SEC24B: variants seen among roughly 807,000 people sequenced by gnomAD.
SEC24B encodes the protein SEC24 homolog B, COPII component, also known as protein transport protein Sec24B.
SEC24B carries 45 observed loss-of-function variants against 142.8 expected under a neutral mutation model. The observed-to-expected ratio is 0.32, with a 90% CI of 0.25 to 0.40. SEC24B has a LOEUF of 0.40. SEC24B is among the 10% of genes least tolerant of loss of function. The pLI, the probability that SEC24B is intolerant of heterozygous loss-of-function variation, is 1.00. For synonymous variants in SEC24B, 574 were observed against 568.2 expected, an observed-to-expected ratio of 1.01 and a Z score of -0.15; for missense variants, 1,409 against 1,526.8, an observed-to-expected ratio of 0.92 and a Z score of 1.29.
At chr4:109,482,571 T>TG (rs1194770187) in intron 4 of SEC24B, among the ~76,000 whole-genome samples, 1 of 152,100 alleles carries the variant, frequency 6.6e-6, no homozygotes, top group Non-Finnish European at 1.5e-5. Context: ...CTAAATTCAT[T>TG]TATGTTTCAT....
chr4:109,462,474 C>T (rs571526083), intron 1 of SEC24B, among the ~76,000 whole-genome samples: 21 of 152,224 alleles, frequency 1.4e-4, no homozygotes, highest in African/African-American at 4.8e-4. Context: ...GTTGGCAGAT[C>T]TTAGTTTCTC....
chr4:109,449,221 A>C (rs1257204361), intron 1 of SEC24B, among the ~76,000 whole-genome samples: 3 of 152,002 alleles, frequency 2.0e-5, no homozygotes, highest in Non-Finnish European at 4.4e-5. Flanking sequence ...AGGCTTAAAC[A>C]ATAGACATTT....
chr4:109,509,733 C>T (rs1331803132), intron 7 of SEC24B, among the ~76,000 whole-genome samples: 1 of 148,486 alleles, frequency 6.7e-6, no homozygotes, highest in Non-Finnish European at 1.5e-5. Flanking sequence ...TTTCTGTGTG[C>T]TCCTATTCAT....
Position 109,433,826 on chromosome 4 carries a change from G to A in SEC24B, c.-44G>A. On this transcript the variant is annotated 5_prime_UTR_variant, in exon 1 of 24. Transcript: ENST00000265175. ...TCCGGCCCCGCCTTCCCTTCCCTCC[G>A]CCCACCTCCCTGAAGCGGAGCCGCC... 6 of 1,241,778 alleles carry A rather than the reference G, an allele frequency of 4.8e-6. No individual in the cohort carries two copies. The highest frequency in any genetic ancestry group is 6.1e-6 in the Non-Finnish European group (6 of 990,280). The allele number at this position is 1,241,778 out of a possible 1,614,324, so 76.9% of individuals were successfully genotyped here. A position where few individuals can be genotyped will look rare whatever the true frequency, so the allele number is the denominator to read the frequency against.
At chr4:109,499,127 C>T (rs1006315535) in intron 6 of SEC24B, among the ~76,000 whole-genome samples, 29 of 152,202 alleles carry the variant, frequency 1.9e-4, no homozygotes, top group African/African-American at 7.0e-4. Context: ...TGGAGTCTGT[C>T]CTTCCAGGTT....
chr4:109,525,872 T>C (rs1176752585), intron 16 of SEC24B, among the ~76,000 whole-genome samples: 1 of 152,172 alleles, frequency 6.6e-6, no homozygotes, highest in African/African-American at 2.4e-5. Flanking sequence ...ATATTTGTTT[T>C]AATCCTTTAT....
chr4:109,505,854 A>G (rs1736624407), intron 6 of SEC24B, among the ~76,000 whole-genome samples: 1 of 152,240 alleles, frequency 6.6e-6, no homozygotes, highest in Non-Finnish European at 1.5e-5. Context: ...CATCATAAGA[A>G]TAATGACTGT....
At chr4:109,506,032 G>T (rs1412501694) in intron 6 of SEC24B, among the ~76,000 whole-genome samples, 1 of 152,108 alleles carries the variant, frequency 6.6e-6, no homozygotes, top group African/African-American at 2.4e-5. Context: ...AGAACAGTGG[G>T]GCACTTATCG....
chr4:109,507,886 C>G (rs557391084), intron 7 of SEC24B, among the ~76,000 whole-genome samples: 1 of 152,236 alleles, frequency 6.6e-6, no homozygotes, highest in East Asian at 1.9e-4. Context: ...CTCAGGTGAT[C>G]CGCCCACCTC....
intron 3 of SEC24B, among the ~76,000 whole-genome samples, chr4:109,477,939 G>A (rs1222646135): frequency 6.6e-6 from 1 of 152,116 alleles, no homozygotes; most frequent in Non-Finnish European, 1.5e-5. Context: ...GTTTTAGTGA[G>A]TATGTTTTAA....
intron 7 of SEC24B, among the ~76,000 whole-genome samples, chr4:109,509,593 C>T (rs1005493956): frequency 2.1e-5 from 3 of 145,182 alleles, no homozygotes; most frequent in Non-Finnish European, 3.0e-5. Flanking sequence ...AGGAGAATGG[C>T]GTGAACCCAG....
intron 6 of SEC24B, among the ~76,000 whole-genome samples, chr4:109,505,078 G>C (rs1433417071): frequency 6.6e-6 from 1 of 151,910 alleles, no homozygotes; most frequent in African/African-American, 2.4e-5. Context: ...TATAGGCAGA[G>C]GTGTCAAGAG....
intron 4 of SEC24B, among the ~76,000 whole-genome samples, chr4:109,485,160 C>G (rs1734220988): frequency 1.3e-5 from 2 of 152,282 alleles, no homozygotes; most frequent in South Asian, 4.1e-4. Context: ...TTGTAAAGAG[C>G]TTAGAACAGT....
At chr4:109,531,643 G>T in intron 20 of SEC24B, 121 bp downstream of exon 20, 1 of 677,112 alleles carries the variant, frequency 1.5e-6, no homozygotes, top group Non-Finnish European at 2.4e-6. Context: ...TCCCCCTTGT[G>T]GTAGTAATAC....
chr4:109,506,417 C>A lies in SEC24B; in HGVS notation c.1578C>A (p.Asn526Lys). ...AACCAGAAAGCCTGAGACCTGTAAA[C>A]CTTACTCAGGAGAGGAATATTTTAC... The part of the protein sequence containing the change: ...SPQPESLRPV[N>K]LTQERNILPM... The change falls in exon 7 of 24, where the codon AAC (asparagine) becomes AAA (lysine). Residue 526 changes from asparagine (N) to lysine (K), a missense_variant. This residue lies in a region of SEC24B where 709 missense variants were observed against 673.5 expected (regional missense o/e 1.05). Transcript: ENST00000265175. 6.2e-7 allele frequency: 1 copy of A among 1,610,622 alleles called. No individual in the cohort carries two copies. The highest frequency in any genetic ancestry group is 8.5e-7 in the Non-Finnish European group (1 of 1,178,104).
chr4:109,475,370 A>T (rs960314479), intron 3 of SEC24B, among the ~76,000 whole-genome samples: 9 of 152,230 alleles, frequency 5.9e-5, no homozygotes, highest in African/African-American at 2.2e-4. Context: ...TATCATCTGC[A>T]TAGGGTTTAC....
intron 2 of SEC24B, among the ~76,000 whole-genome samples, chr4:109,471,037 G>A (rs765430867): frequency 7.2e-5 from 11 of 151,976 alleles, no homozygotes; most frequent in Non-Finnish European, 1.3e-4. Context: ...TTCAAAATTG[G>A]ATGCTGAGTT....
At chr4:109,483,695 CATT>C (rs1734057099) in intron 4 of SEC24B, among the ~76,000 whole-genome samples, 1 of 152,108 alleles carries the variant, frequency 6.6e-6, no homozygotes, top group South Asian at 2.1e-4. Flanking sequence ...ATATTTAAAT[CATT>C]ATATGCGACT....
chr4:109,539,645 G>C lies in SEC24B; in HGVS notation c.3777G>C (p.Leu1259Phe), dbSNP rs778789946. The C allele has an allele frequency of 6.2e-7, 1 of 1,612,886 alleles. No homozygotes were observed. The change falls in exon 24 of 24, where the codon TTG becomes TTC. Residue 1259 changes from leucine (L) to phenylalanine (F), a missense_variant. By Grantham distance (22) the Leu-to-Phe change is conservative. Coordinates refer to ENST00000265175, the MANE Select transcript of SEC24B (RefSeq NM_006323.5). ...TEAAFSYYEF[L>F]LHVQQQICK is the part of the protein sequence containing the mutation. The stretch of plus-strand genomic sequence containing the variant: ...CTGCATTTTCTTACTATGAATTTTT[G>C]CTTCATGTTCAGCAGCAGATTTGTA...
Sources: allele counts gnomAD v4.1 joint callset (sites outside exome capture counted in the v4.1 genomes callset), GRCh38; gene constraint gnomAD v4.1.1; regional missense constraint gnomAD v4.1.1; transcripts MANE v1.5; gene names NCBI Gene and HGNC (gene_info 2026-07-23, HGNC 2026-07-21).